IFNGR2: variants seen among roughly 807,000 people sequenced by gnomAD.
The protein encoded by IFNGR2 is IFN-gamma receptor 2.
In IFNGR2, 15 loss-of-function variants were observed where a neutral mutation model predicts 41.1. The observed-to-expected ratio is 0.37, with a 90% CI of 0.24 to 0.56. The LOEUF (loss-of-function observed/expected upper bound fraction) is 0.56, where lower values mean the gene tolerates loss of function less well. Among genes scored for constraint, IFNGR2 ranks in the 20% least tolerant of loss-of-function variants. IFNGR2 has a pLI of 0.81. For missense variants in IFNGR2, 362 were observed against 415.7 expected (o/e 0.87, Z 1.12); for synonymous variants, 161 against 171.6 (o/e 0.94, Z 0.48).
chr21:33,427,112 T>C (rs892436780), intron 4 of IFNGR2, 80 bp downstream of exon 4: 2 of 1,279,040 alleles, frequency 1.6e-6, no homozygotes, highest in Non-Finnish European at 2.3e-6. Context: ...ACCTTTAACA[T>C]GGGCAAGAAC....
intron 6 of IFNGR2, among the ~76,000 whole-genome samples, chr21:33,435,043 T>C (rs1000960263): frequency 6.6e-6 from 1 of 152,222 alleles, no homozygotes; most frequent in Non-Finnish European, 1.5e-5. Context: ...GGTACATGTT[T>C]TGGTTTTGTT....
At position 33,421,697 on chromosome 21, in the gene IFNGR2, T is replaced by C; in HGVS notation, c.412+12T>C. 6.2e-7 allele frequency: 1 copy of C among 1,601,400 alleles called. No individual in the cohort carries two copies. ...ACACTATCGGAATGGTAAGAGAACT[T>C]GAGTATAGAACTTCCTTTATACTTT... On this transcript the variant is annotated intron_variant, in intron 3 of 6. Coordinates refer to ENST00000290219, the MANE Select transcript of IFNGR2 (RefSeq NM_005534.4).
chr21:33,424,493 AGTG>A (rs1406450925), intron 3 of IFNGR2, among the ~76,000 whole-genome samples: 1 of 152,042 alleles, frequency 6.6e-6, no homozygotes, highest in Admixed American at 6.6e-5. Flanking sequence ...AGCTTGACAC[AGTG>A]GTGGTCTCAT....
intron 1 of IFNGR2, among the ~76,000 whole-genome samples, chr21:33,412,468 T>G (rs2083724209): frequency 6.6e-6 from 1 of 152,236 alleles, no homozygotes; most frequent in Non-Finnish European, 1.5e-5. Flanking sequence ...ATGTGCTTTC[T>G]AAGTCTAATC....
chr21:33,411,470 T>C, intron 1 of IFNGR2: 1 of 470,956 alleles, frequency 2.1e-6, no homozygotes, highest in South Asian at 1.5e-5. Context: ...AACAGGCGTG[T>C]GGAGGGCGGA....
In IFNGR2 at chr21:33,403,752, G is replaced by A. The variant is rs1008995555; in HGVS notation, c.73+136G>A. 20 of 504,916 alleles carry A rather than the reference G, an allele frequency of 4.0e-5. No individual in the cohort carries two copies. The East Asian group carries it at 8.8e-4, about 22-fold the overall frequency. The allele number at this position is 504,916 out of a possible 1,614,324, so 31.3% of individuals were successfully genotyped here. The stretch of plus-strand genomic sequence containing the variant: ...GGTGGGAATCTGCGGGGTGCTCCTG[G>A]TGGGTGGGATATGCGGAGTGCTCAG... On this transcript the variant is annotated intron_variant, in intron 1 of 6. Transcript: ENST00000290219.
intron 1 of IFNGR2, among the ~76,000 whole-genome samples, chr21:33,405,556 T>C (rs2083671745): frequency 6.6e-6 from 1 of 152,138 alleles, no homozygotes; most frequent in African/African-American, 2.4e-5. Context: ...GAGTGACTAG[T>C]GGTGATCTGT....
In IFNGR2 at chr21:33,432,890, CTT is replaced by C. The variant is rs143248516; in HGVS notation, c.879+31_879+32del. 1,032 of 1,467,380 alleles carry C rather than the reference CTT, an allele frequency of 7.0e-4. No homozygotes were observed. Among genetic ancestry groups the C allele is most frequent in the Non-Finnish European group, 7.7e-4 (820 of 1,070,884 alleles). The allele number at this position is 1,467,380 out of a possible 1,614,324, so 90.9% of individuals were successfully genotyped here. A position where few individuals can be genotyped will look rare whatever the true frequency, so the allele number is the denominator to read the frequency against. On this transcript the variant is annotated intron_variant, in intron 6 of 6. Transcript: ENST00000290219. ...AGAAGAGGTACGTGTGCACACATCT[CTT>C]TTTTTTTTTTTGAGACAGGGTCTTG...
At chr21:33,423,615 G>T (rs1178933858) in intron 3 of IFNGR2, among the ~76,000 whole-genome samples, 1 of 151,268 alleles carries the variant, frequency 6.6e-6, no homozygotes, top group South Asian at 2.1e-4. Flanking sequence ...TGTTGTCCAG[G>T]CTGGCCTCTA....
At chr21:33,427,305 T>C (rs1601086354) in intron 4 of IFNGR2, among the ~76,000 whole-genome samples, 1 of 152,176 alleles carries the variant, frequency 6.6e-6, no homozygotes, top group African/African-American at 2.4e-5. Context: ...ACTTTGCCGG[T>C]GCCCTGCTTA....
intron 1 of IFNGR2, 23 bp downstream of exon 1, chr21:33,403,639 C>A (rs2083657108): frequency 1.6e-6 from 2 of 1,273,464 alleles, no homozygotes; most frequent in East Asian, 3.4e-5. Flanking sequence ...TGGGCCTCCG[C>A]GGCGGGACGC....
rs756768721 is a variant in IFNGR2 at position 33,437,126 on chromosome 21, CT to C, written c.*177del. On this transcript the variant is annotated 3_prime_UTR_variant, in exon 7 of 7. Transcript: ENST00000290219. The stretch of plus-strand genomic sequence containing the variant: ...CAGCAGGTCTCATGGGGGTGACAAG[CT>C]TTTTTTTTTTTTCTTAAAGAATTTT... 0.14 allele frequency: 63,662 copies of C among 462,152 alleles called. 25 individuals carry two copies. Among genetic ancestry groups the C allele is most frequent in the South Asian group, 0.15 (5,363 of 34,644 alleles). 28.6% of individuals were successfully genotyped at this position (462,152 alleles called of 1,614,324 possible). A position where few individuals can be genotyped will look rare whatever the true frequency, so the allele number is the denominator to read the frequency against.
At chr21:33,423,637 C>T (rs1311322390) in intron 3 of IFNGR2, among the ~76,000 whole-genome samples, 2 of 149,848 alleles carry the variant, frequency 1.3e-5, no homozygotes, top group Non-Finnish European at 3.0e-5. Flanking sequence ...CTCCTGACCT[C>T]GTGATCCGCC....
intron 4 of IFNGR2, among the ~76,000 whole-genome samples, chr21:33,431,631 G>A (rs2083888827): frequency 6.6e-6 from 1 of 152,204 alleles, no homozygotes; most frequent in Non-Finnish European, 1.5e-5. Flanking sequence ...ATCCAGGCTG[G>A]CGCAATCTCA....
At chr21:33,424,338 C>T (rs1443155738) in intron 3 of IFNGR2, among the ~76,000 whole-genome samples, 1 of 151,962 alleles carries the variant, frequency 6.6e-6, no homozygotes, top group Non-Finnish European at 1.5e-5. Context: ...CGCCACTGCC[C>T]AGGGATCAAG....
chr21:33,410,530 G>A (rs556930924), intron 1 of IFNGR2, among the ~76,000 whole-genome samples: 4 of 109,460 alleles, frequency 3.7e-5, no homozygotes, highest in African/African-American at 1.1e-4. Context: ...GTGCAGTGGC[G>A]TGATCTCAGC....
chr21:33,422,582 TA>T (rs1278795135), intron 3 of IFNGR2, among the ~76,000 whole-genome samples: 1 of 152,032 alleles, frequency 6.6e-6, no homozygotes, highest in African/African-American at 2.4e-5. Context: ...ATTGGGGGAA[TA>T]AAAAGAGTTC....
rs1008360191 is a variant in IFNGR2 at position 33,403,449 on chromosome 21, C to T, written c.-95C>T. 2.6e-5 allele frequency: 20 copies of T among 757,082 alleles called. No individual in the cohort carries two copies. Among genetic ancestry groups the T allele is most frequent in the Non-Finnish European group, 3.2e-5 (19 of 599,928 alleles). The allele number at this position is 757,082 out of a possible 1,614,324, so 46.9% of individuals were successfully genotyped here. ...AGAGGCGGGCCCTGCGCGCCCTGCG[C>T]TCGCCATGGCGGTTTGGGCGGCGAC... On this transcript the variant is annotated 5_prime_UTR_variant, in exon 1 of 7. Transcript: ENST00000290219.
intron 1 of IFNGR2, among the ~76,000 whole-genome samples, chr21:33,413,784 T>TTCCG (rs2083732575): frequency 6.6e-6 from 1 of 150,512 alleles, no homozygotes; most frequent in South Asian, 2.1e-4. Context: ...TTGGTGGTGT[T>TTCCG]TCCGGGGGAG....
Sources: gnomAD v4.1 joint callset for allele counts (sites outside exome capture counted in the v4.1 genomes callset) on GRCh38, gnomAD v4.1.1 for gene constraint, MANE v1.5 for transcripts, NCBI Gene and HGNC (gene_info 2026-07-23, HGNC 2026-07-21) for gene names.